Variants in SKAP1 observed in about 807,000 individuals in gnomAD.
The protein encoded by SKAP1 is src kinase-associated phosphoprotein 1.
A neutral mutation model predicts 58.5 loss-of-function variants in SKAP1; 44 were observed. That is an observed-to-expected ratio of 0.75 (90% CI 0.59 to 0.97). The LOEUF (loss-of-function observed/expected upper bound fraction) is 0.97, where lower values mean the gene tolerates loss of function less well. Ranked by LOEUF, SKAP1 falls within the 50% of genes least tolerant of loss-of-function variation. The probability of loss-of-function intolerance (pLI) is 0.00; values close to 1 mark genes in which losing one functional copy is unlikely to be tolerated. For missense variants in SKAP1, 390 were observed against 435.2 expected, an observed-to-expected ratio of 0.90 and a Z score of 0.92; for synonymous variants, 127 against 149.7, an observed-to-expected ratio of 0.85 and a Z score of 1.11.
chr17:48,220,852 CAAAAAAAAAAA>C (rs56006389), intron 4 of SKAP1, among the ~76,000 whole-genome samples: 2 of 83,660 alleles, frequency 2.4e-5, no homozygotes, highest in Non-Finnish European at 4.2e-5. Context: ...GACTCCATCT[CAAAAAAAAAAA>C]AAAAAAAAAA....
chr17:48,267,773 G>GAACTC (rs1373299114), intron 4 of SKAP1, among the ~76,000 whole-genome samples: 2 of 152,146 alleles, frequency 1.3e-5, no homozygotes, highest in Non-Finnish European at 2.9e-5. Flanking sequence ...AGATGTTTAG[G>GAACTC]AACTCCGTTA....
intron 4 of SKAP1, among the ~76,000 whole-genome samples, chr17:48,209,583 T>A (rs542660072): frequency 7.2e-5 from 11 of 152,300 alleles, no homozygotes; most frequent in African/African-American, 2.6e-4. Flanking sequence ...GGATTCCATG[T>A]ATGAAAGGAT....
At chr17:48,338,298 C>T (rs368164283) in intron 4 of SKAP1, among the ~76,000 whole-genome samples, 12 of 151,734 alleles carry the variant, frequency 7.9e-5, no homozygotes, top group East Asian at 3.9e-4. Context: ...TACAGGCACC[C>T]GCCACCACGC....
At chr17:48,263,892 A>T (rs1216960444) in intron 4 of SKAP1, among the ~76,000 whole-genome samples, 2 of 151,960 alleles carry the variant, frequency 1.3e-5, no homozygotes, top group Admixed American at 1.3e-4. Context: ...CACAGACACC[A>T]CTCTGCGTTT....
intron 1 of SKAP1, among the ~76,000 whole-genome samples, chr17:48,402,839 T>G (rs2067517204): frequency 6.6e-6 from 1 of 152,218 alleles, no homozygotes; most frequent in East Asian, 1.9e-4. Context: ...ATCGTATGAT[T>G]CCATTTACAT....
chr17:48,261,923 G>A (rs970693632), intron 4 of SKAP1, among the ~76,000 whole-genome samples: 7 of 152,268 alleles, frequency 4.6e-5, no homozygotes, highest in South Asian at 2.1e-4. Flanking sequence ...TTGGAAAGGC[G>A]TTGGATCAAT....
chr17:48,295,113 CA>C (rs1207599836), intron 4 of SKAP1, among the ~76,000 whole-genome samples: 2 of 152,094 alleles, frequency 1.3e-5, no homozygotes, highest in Non-Finnish European at 2.9e-5. Context: ...GAGAATGAAA[CA>C]ACCTGTAGAA....
At chr17:48,413,014 C>G (rs1402025247) in intron 1 of SKAP1, among the ~76,000 whole-genome samples, 1 of 151,028 alleles carries the variant, frequency 6.6e-6, no homozygotes, top group Non-Finnish European at 1.5e-5. Flanking sequence ...AAAATCTGCT[C>G]TAAAAATACG....
intron 4 of SKAP1, among the ~76,000 whole-genome samples, chr17:48,202,477 A>G (rs972256176): frequency 8.5e-5 from 13 of 152,212 alleles, no homozygotes; most frequent in Non-Finnish European, 1.6e-4. Flanking sequence ...TCAGAGACAG[A>G]AAAATGATGT....
chr17:48,321,209 T>C (rs1314219956), intron 4 of SKAP1, among the ~76,000 whole-genome samples: 5 of 152,094 alleles, frequency 3.3e-5, no homozygotes, highest in Non-Finnish European at 1.5e-5. Flanking sequence ...AAGAAATCAT[T>C]TGGGCCAATT....
At chr17:48,153,910 AAG>A (rs1442593042) in intron 11 of SKAP1, among the ~76,000 whole-genome samples, 10 of 152,008 alleles carry the variant, frequency 6.6e-5, no homozygotes, top group Admixed American at 4.6e-4. Context: ...AAAAAAAAAA[AAG>A]AAAAAAAAAT....
chr17:48,212,966 C>A (rs571685724), intron 4 of SKAP1, among the ~76,000 whole-genome samples: 2 of 152,260 alleles, frequency 1.3e-5, no homozygotes, highest in East Asian at 3.9e-4. Context: ...GCTTCTCTAC[C>A]CCTGGCTAGT....
chr17:48,313,386 G>A (rs2066249796), intron 4 of SKAP1, among the ~76,000 whole-genome samples: 2 of 152,032 alleles, frequency 1.3e-5, no homozygotes, highest in South Asian at 4.1e-4. Flanking sequence ...GCTGACCCGT[G>A]AAGTTCTGAT....
intron 1 of SKAP1, among the ~76,000 whole-genome samples, chr17:48,417,144 C>T (rs1463594576): frequency 4.6e-5 from 7 of 152,146 alleles, no homozygotes; most frequent in Non-Finnish European, 1.0e-4. Context: ...TTTTGGTTTG[C>T]AGGAAGTTGT....
chr17:48,142,389 G>A (rs1377818667), intron 11 of SKAP1, among the ~76,000 whole-genome samples: 6 of 152,162 alleles, frequency 3.9e-5, no homozygotes, highest in Non-Finnish European at 8.8e-5. Flanking sequence ...TTGAACCCGG[G>A]AGGCGGAGGT....
chr17:48,140,778 CTTTTTTTTTTT>C (rs35573297), intron 11 of SKAP1, among the ~76,000 whole-genome samples: 13 of 138,116 alleles, frequency 9.4e-5, no homozygotes, highest in Middle Eastern at 3.7e-3. Flanking sequence ...TCTTCTTCTT[CTTTTTTTTTTT>C]TTTTTAAGAT....
intron 4 of SKAP1, among the ~76,000 whole-genome samples, chr17:48,241,640 A>G (rs555344966): frequency 6.6e-6 from 1 of 152,312 alleles, no homozygotes; most frequent in African/African-American, 2.4e-5. Flanking sequence ...ACAAAGCAAA[A>G]CAAAACAGAT....
At chr17:48,250,748 A>G (rs17693878) in intron 4 of SKAP1, among the ~76,000 whole-genome samples, 16,196 of 152,146 alleles carry the variant, frequency 0.11, 919 homozygotes, top group East Asian at 0.2. Flanking sequence ...TCTCTCAGGA[A>G]TTATAGCTCC....
intron 12 of SKAP1, among the ~76,000 whole-genome samples, chr17:48,135,885 T>G (rs1199274073): frequency 6.6e-6 from 1 of 152,332 alleles, no homozygotes; most frequent in African/African-American, 2.4e-5. Flanking sequence ...TCTTGGTCAG[T>G]CATATTGCAA....
Sources: allele counts gnomAD v4.1 joint callset (sites outside exome capture counted in the v4.1 genomes callset), GRCh38; gene constraint gnomAD v4.1.1; transcripts MANE v1.5; gene names NCBI Gene and HGNC (gene_info 2026-07-23, HGNC 2026-07-21).